RGS13: variants seen among roughly 807,000 people sequenced by gnomAD.
The protein encoded by RGS13 is regulator of G-protein signalling 13.
A neutral mutation model predicts 19.9 loss-of-function variants in RGS13; 14 were observed. The ratio of observed to expected loss-of-function variants is 0.70; its 90% CI spans 0.46 to 1.10. The LOEUF is 1.10. Ranked by LOEUF, RGS13 falls within the 50% of genes least tolerant of loss-of-function variation. RGS13 has a pLI of 0.00. For synonymous variants in RGS13, 60 were observed against 56.8 expected (o/e 1.06, Z -0.25); for missense variants, 205 against 187.1 (o/e 1.10, Z -0.56).
intron 5 of RGS13, among the ~76,000 whole-genome samples, chr1:192,652,803 A>C (rs1294140907): frequency 2.6e-5 from 4 of 152,022 alleles, no homozygotes; most frequent in African/African-American, 7.2e-5. Context: ...TGCCTGCTAT[A>C]TAGCAAGCAG....
chr1:192,637,184 T>C (rs1004366740), intron 1 of RGS13, among the ~76,000 whole-genome samples: 1 of 151,846 alleles, frequency 6.6e-6, no homozygotes, highest in African/African-American at 2.4e-5. Context: ...GAGAAAACAG[T>C]GGAGGCAAAA....
intron 3 of RGS13, among the ~76,000 whole-genome samples, chr1:192,640,543 C>T (rs2102028377): frequency 6.6e-6 from 1 of 152,278 alleles, no homozygotes; most frequent in Non-Finnish European, 1.5e-5. Context: ...CTTTAATAAA[C>T]TCTCCCTTTT....
intron 3 of RGS13, among the ~76,000 whole-genome samples, chr1:192,642,938 C>T (rs764537775): frequency 5.3e-5 from 8 of 152,048 alleles, no homozygotes; most frequent in Non-Finnish European, 7.4e-5. Flanking sequence ...CAGCTTGCTA[C>T]AGCCTCCATC....
At chr1:192,643,869 C>A (rs1663168903) in intron 3 of RGS13, among the ~76,000 whole-genome samples, 1 of 152,012 alleles carries the variant, frequency 6.6e-6, no homozygotes, top group African/African-American at 2.4e-5. Context: ...GGAGGGTCAC[C>A]TAAGACTGGG....
chr1:192,639,095 G>A (rs1663061261), intron 3 of RGS13, among the ~76,000 whole-genome samples: 1 of 151,910 alleles, frequency 6.6e-6, no homozygotes, highest in Non-Finnish European at 1.5e-5. Context: ...CTGAGCACAG[G>A]GCTACTATTA....
chr1:192,651,609 A>G (rs1326911877), intron 5 of RGS13, among the ~76,000 whole-genome samples: 1 of 152,070 alleles, frequency 6.6e-6, no homozygotes, highest in African/African-American at 2.4e-5. Flanking sequence ...CAAAGTAGGA[A>G]GAAGCAAAAG....
intron 5 of RGS13, among the ~76,000 whole-genome samples, chr1:192,650,560 A>C (rs1663317904): frequency 1.3e-5 from 2 of 152,102 alleles, no homozygotes; most frequent in Non-Finnish European, 2.9e-5. Flanking sequence ...CACATGAAAA[A>C]GAAATATATC....
intron 1 of RGS13, among the ~76,000 whole-genome samples, chr1:192,637,131 T>C (rs1460258679): frequency 2.0e-5 from 3 of 151,938 alleles, no homozygotes; most frequent in Non-Finnish European, 4.4e-5. Context: ...CTCTGAGAAT[T>C]AGATTCTATC....
chr1:192,650,748 A>G (rs1398306806), intron 5 of RGS13, among the ~76,000 whole-genome samples: 1 of 152,106 alleles, frequency 6.6e-6, no homozygotes, highest in Non-Finnish European at 1.5e-5. Context: ...GAAATTAAGA[A>G]TGTTAGCAAC....
intron 3 of RGS13, among the ~76,000 whole-genome samples, chr1:192,640,339 A>G (rs1663083765): frequency 6.6e-6 from 1 of 152,164 alleles, no homozygotes; most frequent in African/African-American, 2.4e-5. Context: ...CAGTCAATGT[A>G]ACAGTTTTTT....
At chr1:192,644,560 A>G (rs1663182522) in intron 4 of RGS13, 161 bp downstream of exon 4, 2 of 570,460 alleles carry the variant, frequency 3.5e-6, no homozygotes, top group Admixed American at 6.2e-5. Context: ...ATATGTTACT[A>G]AGATTCTTGT....
At chr1:192,640,349 T>C (rs1663083887) in intron 3 of RGS13, among the ~76,000 whole-genome samples, 1 of 152,156 alleles carries the variant, frequency 6.6e-6, no homozygotes, top group African/African-American at 2.4e-5. Flanking sequence ...AACAGTTTTT[T>C]AGTCTCAATT....
intron 6 of RGS13, 155 bp downstream of exon 6, chr1:192,658,522 C>T (rs569799694): frequency 6.4e-6 from 4 of 623,358 alleles, no homozygotes; most frequent in Non-Finnish European, 1.1e-5. Context: ...AGATAAGAAA[C>T]CTGAGACTCT....
At chr1:192,646,744 AG>A (rs2102032856) in intron 4 of RGS13, 1 of 152,276 alleles carries the variant, frequency 6.6e-6, no homozygotes, top group South Asian at 2.1e-4. Context: ...AAGTGAGAAC[AG>A]GCAGTATTTG....
intron 2 of RGS13, 42 bp from the exon 3 acceptor site, chr1:192,638,122 C>A (rs923919355): frequency 1.3e-5 from 2 of 152,060 alleles, no homozygotes; most frequent in Non-Finnish European, 2.9e-5. Flanking sequence ...TTTGCAAATT[C>A]TTTGTCCTCA....
intron 6 of RGS13, chr1:192,658,934 T>C (rs1487974120): frequency 1.2e-5 from 2 of 160,624 alleles, no homozygotes; most frequent in Non-Finnish European, 2.7e-5. Context: ...TCAGAGCATA[T>C]TCAGTTAAAT....
At chr1:192,648,620 A>AG (rs899906001) in intron 5 of RGS13, among the ~76,000 whole-genome samples, 5 of 152,236 alleles carry the variant, frequency 3.3e-5, no homozygotes, top group African/African-American at 1.2e-4. Flanking sequence ...AGACAGGTAC[A>AG]GAAAAAAAAT....
intron 5 of RGS13, among the ~76,000 whole-genome samples, chr1:192,649,250 T>C (rs192062963): frequency 1.3e-5 from 2 of 152,258 alleles, no homozygotes; most frequent in East Asian, 1.9e-4. Flanking sequence ...TAAACAAATA[T>C]ATCTTCTGGG....
At chr1:192,641,781 A>T (rs1280058163) in intron 3 of RGS13, among the ~76,000 whole-genome samples, 1 of 151,912 alleles carries the variant, frequency 6.6e-6, no homozygotes, top group African/African-American at 2.4e-5. Flanking sequence ...CGATCTCGTC[A>T]TTTTTTTTGT....
Sources: allele counts gnomAD v4.1 joint callset (sites outside exome capture counted in the v4.1 genomes callset), GRCh38; gene constraint gnomAD v4.1.1; transcripts MANE v1.5; gene names NCBI Gene and HGNC (gene_info 2026-07-23, HGNC 2026-07-21).